The following ZNF471 variants were observed in gnomAD, a reference collection of about 807,000 sequenced individuals.
The protein encoded by ZNF471 is EZFIT-related protein 1.
Under a neutral mutation model 13.7 loss-of-function variants are expected in ZNF471, and 7 were observed. That is an observed-to-expected ratio of 0.51 (90% CI 0.29 to 0.96). The LOEUF is 0.96. ZNF471 is among the 40% of genes least tolerant of loss of function. The pLI is 0.08. For synonymous variants in ZNF471, 218 were observed against 235.6 expected (o/e 0.93, Z 0.68); for missense variants, 663 against 743.3 (o/e 0.89, Z 1.26).
chr19:56,514,534 C>G, intron 2 of ZNF471, among the ~76,000 whole-genome samples: 1 of 152,128 alleles, frequency 6.6e-6, no homozygotes, highest in East Asian at 1.9e-4. Context: ...GAGGAATACT[C>G]AGTTATTTTG....
rs773224346 is a variant in ZNF471, at chr19:56,524,404, A to G, written c.337A>G (p.Ser113Gly). 1.2e-6 allele frequency: 2 copies of G among 1,613,092 alleles called. No individual in the cohort carries two copies. Among genetic ancestry groups the G allele is most frequent in the South Asian group, 2.2e-5 (2 of 90,748 alleles). ...YDDACMEGIT[S>G]YGLECSTFEE... Reference sequence around the variant, plus strand: ...TGATGCATGCATGGAGGGAATTACTAGCTATGGACTTGAGTGTTCCACTTT... The same window carrying G: ...TGATGCATGCATGGAGGGAATTACTGGCTATGGACTTGAGTGTTCCACTTT... Residue 113 changes from serine (S) to glycine (G), a missense_variant, in exon 5 of 5, where the codon AGC becomes GGC. Transcript: ENST00000308031. This position sits in a 1 kb window ranked among gnomAD's most constrained non-coding sequence, Gnocchi z 4.8.
Position 56,507,889 on chromosome 19 carries a change from T to C in ZNF471, c.-87T>C. On this transcript the variant is annotated 5_prime_UTR_variant, in exon 1 of 5. It removes an upstream start codon present in the reference 5' UTR. Transcript: ENST00000308031. ...GCGTCGACTCACGGAGTCCTTCGGA[T>C]GAGAGCGTCTGGGTGCCAGACGAGG... 1.0e-6 allele frequency: 1 copy of C among 985,510 alleles called. No homozygotes were observed. Among genetic ancestry groups the C allele is most frequent in the Non-Finnish European group, 1.2e-6 (1 of 830,024 alleles). The allele number at this position is 985,510 out of a possible 1,614,324, so 61.0% of individuals were successfully genotyped here.
intron 2 of ZNF471, among the ~76,000 whole-genome samples, chr19:56,512,267 C>A (rs1014593390): frequency 4.0e-5 from 6 of 149,936 alleles, no homozygotes; most frequent in Non-Finnish European, 8.9e-5. Context: ...AAAATACTTT[C>A]TTCCCTTCAA....
At position 56,522,634 on chromosome 19, in the gene ZNF471, A is replaced by G. The variant is rs926067652; in HGVS notation, c.257-1690A>G. Among the ~76,000 whole-genome samples the G allele has an allele frequency of 1.3e-5, 2 of 152,112 alleles. No individual in the cohort carries two copies. Among genetic ancestry groups the G allele is most frequent in the African/African-American group, 4.8e-5 (2 of 41,436 alleles). Reference sequence around the variant, plus strand: ...TTCCCTCAGGTTTTCTCTCAGTATCATCTCTTCAATACAAATTTCTTTATA... The same window carrying G: ...TTCCCTCAGGTTTTCTCTCAGTATCGTCTCTTCAATACAAATTTCTTTATA... On this transcript the variant is annotated intron_variant, in intron 4 of 4. Coordinates refer to ENST00000308031, the MANE Select transcript of ZNF471 (RefSeq NM_020813.4). The surrounding 1 kb of genome is among the most constrained non-coding windows in gnomAD (Gnocchi z 4.1).
chr19:56,511,745 ACT>A, intron 2 of ZNF471, 141 bp downstream of exon 2: 1 of 674,826 alleles, frequency 1.5e-6, no homozygotes, highest in Non-Finnish European at 2.6e-6. Context: ...ACTGTCTTTA[ACT>A]CTAATTACCT....
chr19:56,517,423 C>T (rs1345641124), intron 3 of ZNF471, among the ~76,000 whole-genome samples: 1 of 151,920 alleles, frequency 6.6e-6, no homozygotes. Context: ...CTGCCTCAGC[C>T]TCCTGAGTAG....
In ZNF471 at chr19:56,526,438, G is replaced by A. The variant is rs548997961; in HGVS notation, c.*490G>A. ...CTGGGTTTCAAGCACAAAACTGGGC[G>A]GCCATTCGGGCAGACACCGAGCTAG... On this transcript the variant is annotated 3_prime_UTR_variant, in exon 5 of 5. Coordinates refer to ENST00000308031, the MANE Select transcript of ZNF471 (RefSeq NM_020813.4). The A allele has an allele frequency of 2.6e-5, 4 of 153,722 alleles. No homozygotes were observed. The highest frequency in any genetic ancestry group is 1.9e-4 in the East Asian group (1 of 5,176). The allele number at this position is 153,722 out of a possible 1,614,324, so 9.5% of individuals were successfully genotyped here. A position where few individuals can be genotyped will look rare whatever the true frequency, so the allele number is the denominator to read the frequency against.
At chr19:56,517,778 C>T (rs1409115755) in intron 3 of ZNF471, among the ~76,000 whole-genome samples, 1 of 152,160 alleles carries the variant, frequency 6.6e-6, no homozygotes, top group Non-Finnish European at 1.5e-5. Flanking sequence ...AGTCAAATTC[C>T]CTGACTCTAT....
At position 56,526,127 on chromosome 19, in the gene ZNF471, C is replaced by T; in HGVS notation, c.*179C>T. ...TCTGCAGTTCCCAGTGAGATCAACG[C>T]AGAAGGTGGGTGCTTTCTGTATTTC... On this transcript the variant is annotated 3_prime_UTR_variant, in exon 5 of 5. Transcript: ENST00000308031. 1.7e-6 allele frequency: 1 copy of T among 580,440 alleles called. No individual in the cohort carries two copies. The allele number at this position is 580,440 out of a possible 1,614,324, so 36.0% of individuals were successfully genotyped here.
At position 56,525,173 on chromosome 19, in the gene ZNF471, A is replaced by G; in HGVS notation, c.1106A>G (p.His369Arg). The G allele has an allele frequency of 1.9e-6, 3 of 1,614,194 alleles. No homozygotes were observed. Among genetic ancestry groups the G allele is most frequent in the Non-Finnish European group, 2.5e-6 (3 of 1,180,022 alleles). The change falls in exon 5 of 5, where the codon CAT becomes CGT. Residue 369 changes from histidine (H) to arginine (R), a missense_variant. By Grantham distance (29) the His-to-Arg change is conservative (BLOSUM62 0). Transcript: ENST00000308031. The part of the protein sequence containing the change: ...TSFIRHWRSY[H>R]TGEKPFNCID... The stretch of plus-strand genomic sequence containing the variant: ...TTTATTCGTCACTGGAGGAGTTATC[A>G]TACTGGAGAGAAGCCTTTTAATTGC...
intron 3 of ZNF471, among the ~76,000 whole-genome samples, chr19:56,517,989 ATTTC>A (rs1235024540): frequency 6.6e-6 from 1 of 151,958 alleles, no homozygotes; most frequent in Non-Finnish European, 1.5e-5. Context: ...ATCATGTGCT[ATTTC>A]TTCTTCGTTA....
At position 56,510,982 on chromosome 19, in the gene ZNF471, A is replaced by G. The variant is rs1056914594; in HGVS notation, c.-55-535A>G. ...GGTTCCATCGTTTCAGGGTGAGGAA[A>G]GTGAAACAGTGCCGGGGGGTGGGTC... On this transcript the variant is annotated intron_variant, in intron 1 of 4. Coordinates refer to ENST00000308031, the MANE Select transcript of ZNF471 (RefSeq NM_020813.4). The surrounding 1 kb of genome is among the most constrained non-coding windows in gnomAD (Gnocchi z 4.3). 1 of 984,670 alleles carries G rather than the reference A, an allele frequency of 1.0e-6. No homozygotes were observed. The allele number at this position is 984,670 out of a possible 1,614,324, so 61.0% of individuals were successfully genotyped here. A position where few individuals can be genotyped will look rare whatever the true frequency, so the allele number is the denominator to read the frequency against.
At chr19:56,517,298 AT>A (rs57499065) in intron 3 of ZNF471, among the ~76,000 whole-genome samples, 21,385 of 100,540 alleles carry the variant, frequency 0.21, 1,353 homozygotes, top group African/African-American at 0.24. Flanking sequence ...CACCCAGCTA[AT>A]TTTTTTTTTT....
In ZNF471 at chr19:56,509,115, C is replaced by T. The variant is rs555937198; in HGVS notation, c.-56+1195C>T. Among the ~76,000 whole-genome samples the T allele has an allele frequency of 3.9e-5, 6 of 152,184 alleles. No individual in the cohort carries two copies. The South Asian group carries it at 1.0e-3, about 26-fold the overall frequency. On this transcript the variant is annotated intron_variant, in intron 1 of 4. Transcript: ENST00000308031. Reference sequence around the variant, plus strand: ...GGGCTGGCAGCCTGTAGGTTGATCACGGTAAGGGATGGTCACAAGAACAAT... The same window carrying T: ...GGGCTGGCAGCCTGTAGGTTGATCATGGTAAGGGATGGTCACAAGAACAAT...
At position 56,529,743 on chromosome 19, in the gene ZNF471, C is replaced by T. The variant is rs1486028038; in HGVS notation, c.*3795C>T. 6.6e-6 allele frequency: 1 copy of T among 152,178 alleles called. No homozygotes were observed. Among genetic ancestry groups the T allele is most frequent in the Admixed American group, 6.5e-5 (1 of 15,270 alleles). The allele number at this position is 152,178 out of a possible 1,614,324, so 9.4% of individuals were successfully genotyped here. A position where few individuals can be genotyped will look rare whatever the true frequency, so the allele number is the denominator to read the frequency against. On this transcript the variant is annotated 3_prime_UTR_variant, in exon 5 of 5. Transcript: ENST00000308031. Reference sequence around the variant, plus strand: ...AAGTGCAGATTGTAAAAGTCCTCATCCCCACCAACACAAACCAGCAGAAAT... The same window carrying T: ...AAGTGCAGATTGTAAAAGTCCTCATTCCCACCAACACAAACCAGCAGAAAT...
chr19:56,516,351 G>T lies in ZNF471; in HGVS notation c.110G>T (p.Arg37Leu). The change falls in exon 3 of 5, where the codon CGT (arginine) becomes CTT (leucine). Residue 37 changes from arginine to leucine, a missense_variant. By Grantham distance (102) the Arg-to-Leu change is moderately radical. Coordinates refer to ENST00000308031, the MANE Select transcript of ZNF471 (RefSeq NM_020813.4). This position sits in a 1 kb window ranked among gnomAD's most constrained non-coding sequence, Gnocchi z 4.4. ...CAATGGATGAACCCTGCTCAGAAGC[G>T]TTTATACAGGAGTATGATGTTGGAG... ...EWQWMNPAQK[R>L]LYRSMMLENY... 1.2e-6 allele frequency: 2 copies of T among 1,613,848 alleles called. No homozygotes were observed. Among genetic ancestry groups the T allele is most frequent in the Non-Finnish European group, 8.5e-7 (1 of 1,179,826 alleles).
At position 56,529,008 on chromosome 19, in the gene ZNF471, A is replaced by C. The variant is rs2044080454; in HGVS notation, c.*3060A>C. On this transcript the variant is annotated 3_prime_UTR_variant, in exon 5 of 5. Transcript: ENST00000308031. The stretch of plus-strand genomic sequence containing the variant: ...AAACCAAGGGGAAAGAAATGAAATT[A>C]TAGGTGAGTTTACTTAGTTATATAC... 1 of 152,230 alleles carries C rather than the reference A, an allele frequency of 6.6e-6. No individual in the cohort carries two copies. Among genetic ancestry groups the C allele is most frequent in the Admixed American group, 6.5e-5 (1 of 15,284 alleles). The allele number at this position is 152,230 out of a possible 1,614,324, so 9.4% of individuals were successfully genotyped here.
intron 2 of ZNF471, among the ~76,000 whole-genome samples, chr19:56,515,984 T>A (rs1050246809): frequency 3.3e-5 from 5 of 152,230 alleles, no homozygotes; most frequent in African/African-American, 1.2e-4. Flanking sequence ...TCAGTTTAGA[T>A]ATTCCTTTTA....
rs79222237 is a variant in ZNF471, at chr19:56,525,420, A to G, written c.1353A>G (p.Arg451=). The G allele has an allele frequency of 1.1e-3, 1,763 of 1,614,144 alleles. 17 individuals are homozygous for G. In the African/African-American group the frequency reaches 0.02, roughly 18 times the overall value. Reference sequence around the variant, plus strand: ...ATGCATCACTCACTCAGCATCAAAGAGTACATTCTGGAGAGAAACCGTATG... The same window carrying G: ...ATGCATCACTCACTCAGCATCAAAGGGTACATTCTGGAGAGAAACCGTATG... ...SHHASLTQHQ[R]VHSGEKPYEC... Residue 451 remains arginine, a synonymous_variant, in exon 5 of 5, where the codon AGA becomes AGG. Transcript: ENST00000308031.
Sources: allele counts gnomAD v4.1 joint callset (sites outside exome capture counted in the v4.1 genomes callset), GRCh38; gene constraint gnomAD v4.1.1; non-coding constraint Gnocchi (gnomAD v3.1); transcripts MANE v1.5; gene names NCBI Gene and HGNC (gene_info 2026-07-23, HGNC 2026-07-21).